Variants in BFSP1 observed in about 807,000 individuals in gnomAD.
BFSP1 encodes filensin.
Under a neutral mutation model 43.9 loss-of-function variants are expected in BFSP1, and 38 were observed. The ratio of observed to expected loss-of-function variants is 0.87; its 90% confidence interval spans 0.67 to 1.14. The LOEUF (loss-of-function observed/expected upper bound fraction) is 1.14, where lower values mean the gene tolerates loss of function less well. Among genes scored for constraint, BFSP1 ranks in the 50% most tolerant of loss-of-function variants. BFSP1 has a pLI of 0.00. For synonymous variants in BFSP1, 352 were observed against 354.8 expected (o/e 0.99, Z 0.09); for missense variants, 850 against 875.1 (o/e 0.97, Z 0.36).
At chr20:17,561,873 G>T (rs1384969801), upstream of BFSP1, among the ~76,000 whole-genome samples, 1 of 152,124 alleles carries the variant, frequency 6.6e-6, no homozygotes, top group Admixed American at 6.5e-5. Flanking sequence ...CAAGCTTTGT[G>T]AGTAGAAACA....
At chr20:17,568,891 C>T (rs892736399) in intron 1 of BFSP1, among the ~76,000 whole-genome samples, 3 of 152,040 alleles carry the variant, frequency 2.0e-5, no homozygotes, top group African/African-American at 7.2e-5. Flanking sequence ...TTCTCGGTAA[C>T]CTAAATTAAT....
intron 1 of BFSP1, among the ~76,000 whole-genome samples, chr20:17,527,418 T>G (rs895253780): frequency 6.6e-6 from 1 of 152,110 alleles, no homozygotes; most frequent in East Asian, 1.9e-4. Context: ...TAAAGACAAG[T>G]CTAGATATTA....
intron 2 of BFSP1, among the ~76,000 whole-genome samples, chr20:17,521,742 G>T (rs1016793666): frequency 6.6e-6 from 1 of 152,206 alleles, no homozygotes; most frequent in African/African-American, 2.4e-5. Flanking sequence ...TATCTGGGAG[G>T]TGATCCCAGG....
intron 4 of BFSP1, 43 bp from the exon 5 acceptor site, chr20:17,509,039 G>A (rs745999513): frequency 7.0e-7 from 1 of 1,435,096 alleles, no homozygotes; most frequent in Non-Finnish European, 9.3e-7. Flanking sequence ...GACATGCAGA[G>A]AGGAAAAGGG....
At position 17,519,630 on chromosome 20, in the gene BFSP1, C is replaced by T. The variant is rs556926572; in HGVS notation, c.439-4814G>A. On this transcript the variant is annotated intron_variant, in intron 2 of 7. Coordinates refer to ENST00000377873, the MANE Select transcript of BFSP1 (RefSeq NM_001195.5). ...GGTGCCTGTCATTCTTCCCCACCTCCCTCCTAGGATTGTGTCAAAACCACC... is the reference window on the plus strand; with the variant it reads ...GGTGCCTGTCATTCTTCCCCACCTCTCTCCTAGGATTGTGTCAAAACCACC... Among the ~76,000 whole-genome samples, 3 of 152,326 alleles carry T rather than the reference C, an allele frequency of 2.0e-5. No homozygotes were observed. The East Asian group carries it at 5.8e-4, about 29-fold the overall frequency.
intron 1 of BFSP1, among the ~76,000 whole-genome samples, chr20:17,555,630 G>A (rs2034978455): frequency 6.6e-6 from 1 of 152,116 alleles, no homozygotes; most frequent in Admixed American, 6.6e-5. Context: ...TCCAGCCTGG[G>A]CAACAGAATG....
chr20:17,553,673 T>C (rs2034931044), intron 1 of BFSP1, among the ~76,000 whole-genome samples: 1 of 151,160 alleles, frequency 6.6e-6, no homozygotes, highest in Non-Finnish European at 1.5e-5. Flanking sequence ...CAAACTACTT[T>C]AGATAAGGTG....
chr20:17,538,364 G>A (rs879753176), intron 1 of BFSP1, among the ~76,000 whole-genome samples: 1 of 152,124 alleles, frequency 6.6e-6, no homozygotes, highest in Non-Finnish European at 1.5e-5. Context: ...TAGGTAAGAG[G>A]TATAGAAGTT....
At chr20:17,548,776 T>C (rs775945725) in intron 1 of BFSP1, among the ~76,000 whole-genome samples, 13 of 152,248 alleles carry the variant, frequency 8.5e-5, no homozygotes, top group Non-Finnish European at 1.3e-4. Flanking sequence ...CTTATACTTA[T>C]TGTTTTTTGG....
chr20:17,497,572 G>T (rs199607473), intron 6 of BFSP1, among the ~76,000 whole-genome samples: 1 of 21,518 alleles, frequency 4.6e-5, no homozygotes, highest in African/African-American at 3.2e-4. Context: ...GTGTGTATAT[G>T]TATATATACG....
intron 4 of BFSP1, among the ~76,000 whole-genome samples, chr20:17,511,654 A>G (rs1278083779): frequency 6.6e-6 from 1 of 152,216 alleles, no homozygotes; most frequent in Non-Finnish European, 1.5e-5. Context: ...GTGGGTGGAG[A>G]TGCAACAATG....
At chr20:17,568,759 G>T (rs1227881090) in intron 1 of BFSP1, among the ~76,000 whole-genome samples, 3 of 151,882 alleles carry the variant, frequency 2.0e-5, no homozygotes, top group Non-Finnish European at 2.9e-5. Context: ...ATGTTGAGTG[G>T]GGCAGAACAA....
intron 1 of BFSP1, among the ~76,000 whole-genome samples, chr20:17,553,069 G>A (rs188362094): frequency 8.5e-5 from 13 of 152,292 alleles, no homozygotes; most frequent in Non-Finnish European, 1.3e-4. Flanking sequence ...GGAGATCAGC[G>A]GTTAGGAGAT....
Position 17,507,272 on chromosome 20 carries a change from G to GTGTGT in BFSP1, c.735+1616_735+1617insACACA, listed in dbSNP as rs2033959802. Among the ~76,000 whole-genome samples the GTGTGT allele has an allele frequency of 3.5e-5, 5 of 141,226 alleles. No homozygotes were observed. Among genetic ancestry groups the GTGTGT allele is most frequent in the African/African-American group, 7.9e-5 (3 of 37,768 alleles). The allele number at this position is 141,226 out of a possible 152,430, so 92.6% of individuals were successfully genotyped here. On this transcript the variant is annotated intron_variant, in intron 5 of 7. Coordinates refer to ENST00000377873, the MANE Select transcript of BFSP1 (RefSeq NM_001195.5). This position sits in a 1 kb window ranked among gnomAD's most constrained non-coding sequence, Gnocchi z 4.4. ...GCGAGCCATACACATCAGATAGGTAGGTGTGTGTGTGTGTGTGTGTGTGTG... is the reference window on the plus strand; with the variant it reads ...GCGAGCCATACACATCAGATAGGTAGTGTGTGTGTGTGTGTGTGTGTGTGTGTGTG...
chr20:17,542,718 G>A (rs2034738847), intron 1 of BFSP1, among the ~76,000 whole-genome samples: 3 of 152,296 alleles, frequency 2.0e-5, no homozygotes, highest in Admixed American at 2.0e-4. Context: ...TAAGCTCAAA[G>A]AGAGTCTTCC....
chr20:17,520,526 C>A (rs2123507389), intron 2 of BFSP1, among the ~76,000 whole-genome samples: 1 of 152,344 alleles, frequency 6.6e-6, no homozygotes, highest in South Asian at 2.1e-4. Context: ...TTTCCTTCAA[C>A]TCTGGATGTC....
At chr20:17,533,262 G>T (rs190218450), upstream of BFSP1, among the ~76,000 whole-genome samples, 227 of 152,238 alleles carry the variant, frequency 1.5e-3, no homozygotes, top group Middle Eastern at 0.017. Context: ...ATAACCACAT[G>T]AATATTTTTG....
chr20:17,503,833 G>A (rs962542473), intron 5 of BFSP1, among the ~76,000 whole-genome samples: 4 of 152,188 alleles, frequency 2.6e-5, no homozygotes, highest in African/African-American at 7.2e-5. Flanking sequence ...GAAGACATGG[G>A]AAAGTCAGTG....
chr20:17,561,914 A>C (rs926945612), upstream of BFSP1, among the ~76,000 whole-genome samples: 2 of 151,826 alleles, frequency 1.3e-5, no homozygotes, highest in African/African-American at 2.4e-5. Context: ...GAGGTTTTAT[A>C]CTTTTTTTTA....
Sources: gnomAD v4.1 joint callset for allele counts (sites outside exome capture counted in the v4.1 genomes callset) on GRCh38, gnomAD v4.1.1 for gene constraint, Gnocchi (gnomAD v3.1) non-coding constraint, MANE v1.5 for transcripts, NCBI Gene and HGNC (gene_info 2026-07-23, HGNC 2026-07-21) for gene names.